Variants in C12orf42 observed in about 807,000 individuals in gnomAD.
C12orf42 encodes uncharacterized protein C12orf42.
A neutral mutation model predicts 21.6 loss-of-function variants in C12orf42; 25 were observed. The ratio of observed to expected loss-of-function variants is 1.16; its 90% CI spans 0.84 to 1.62. The LOEUF (loss-of-function observed/expected upper bound fraction) is 1.62, where lower values mean the gene tolerates loss of function less well. C12orf42 is among the 40% of genes most tolerant of loss of function. C12orf42 has a pLI of 0.00. For missense variants in C12orf42, 483 were observed against 459.3 expected, an observed-to-expected ratio of 1.05 and a Z score of -0.47; for synonymous variants, 174 against 175.0, an observed-to-expected ratio of 0.99 and a Z score of 0.05.
At chr12:103,433,993 A>T (rs1950461017) in intron 2 of C12orf42, among the ~76,000 whole-genome samples, 1 of 152,194 alleles carries the variant, frequency 6.6e-6, no homozygotes, top group Admixed American at 6.5e-5. Flanking sequence ...GAGTTTTAAA[A>T]CTAACTTGGT....
chr12:103,440,843 AT>A (rs1951189789), intron 2 of C12orf42, among the ~76,000 whole-genome samples: 2 of 152,126 alleles, frequency 1.3e-5, no homozygotes, highest in Non-Finnish European at 2.9e-5. Flanking sequence ...TTCACCAATC[AT>A]TTCTCAACCT....
chr12:103,369,194 A>T (rs1729196096), intron 3 of C12orf42, among the ~76,000 whole-genome samples, 196 bp from the exon 4 acceptor site: 1 of 152,088 alleles, frequency 6.6e-6, no homozygotes, highest in Non-Finnish European at 1.5e-5. Flanking sequence ...CATTCCTCTT[A>T]TGTATTCATT....
chr12:103,147,620 T>A, the C12orf42 span, among the ~76,000 whole-genome samples: 1 of 104,990 alleles, frequency 9.5e-6, no homozygotes. Flanking sequence ...TTCTTCTCTC[T>A]CTCTTTTTTT....
At chr12:103,461,018 G>A (rs939300648) in intron 2 of C12orf42, among the ~76,000 whole-genome samples, 3 of 152,138 alleles carry the variant, frequency 2.0e-5, no homozygotes, top group African/African-American at 4.8e-5. Context: ...GCATTCAGTT[G>A]ATTCTCTATG....
At chr12:103,475,839 C>T (rs1954006683) in intron 2 of C12orf42, among the ~76,000 whole-genome samples, 1 of 152,280 alleles carries the variant, frequency 6.6e-6, no homozygotes, top group East Asian at 1.9e-4. Context: ...AGCTTATATT[C>T]TTATTTCACT....
chr12:103,157,750 G>A, the C12orf42 span, among the ~76,000 whole-genome samples: 1 of 152,092 alleles, frequency 6.6e-6, no homozygotes, highest in Non-Finnish European at 1.5e-5. Context: ...GCTTGTTTTT[G>A]GCAGGTTTGT....
chr12:103,443,748 C>A (rs542301173), intron 2 of C12orf42, among the ~76,000 whole-genome samples: 1 of 151,896 alleles, frequency 6.6e-6, no homozygotes, highest in Non-Finnish European at 1.5e-5. Context: ...TTGGCACATA[C>A]CATAAAGGGT....
At chr12:103,451,416 G>T (rs571143976) in intron 2 of C12orf42, among the ~76,000 whole-genome samples, 2 of 151,836 alleles carry the variant, frequency 1.3e-5, no homozygotes, top group Non-Finnish European at 2.9e-5. Context: ...GTCTGTCTAC[G>T]TTCCCAAGGC....
At chr12:103,545,516 A>G in the C12orf42 span, among the ~76,000 whole-genome samples, 4 of 152,338 alleles carry the variant, frequency 2.6e-5, no homozygotes, top group Admixed American at 1.3e-4. Flanking sequence ...AATAAGGGGA[A>G]AAAACTATTT....
At chr12:103,102,882 C>T in the C12orf42 span, among the ~76,000 whole-genome samples, 1 of 152,132 alleles carries the variant, frequency 6.6e-6, no homozygotes, top group East Asian at 1.9e-4. Flanking sequence ...TGGCAGACTT[C>T]AGTTCCTTAG....
the C12orf42 span, among the ~76,000 whole-genome samples, chr12:103,229,243 C>T: frequency 0.015 from 2,275 of 152,238 alleles, 47 homozygotes; most frequent in African/African-American, 0.051. Context: ...AGGATATTTC[C>T]GGTCTTCATT....
chr12:103,338,277 G>T (rs370748609), intron 4 of C12orf42, among the ~76,000 whole-genome samples: 80 of 152,272 alleles, frequency 5.3e-4, no homozygotes, highest in South Asian at 3.3e-3. Context: ...TCAAAGCTTT[G>T]CTTACCTCCT....
intron 2 of C12orf42, among the ~76,000 whole-genome samples, chr12:103,442,975 C>T (rs765888330): frequency 6.6e-6 from 1 of 152,054 alleles, no homozygotes; most frequent in Non-Finnish European, 1.5e-5. Flanking sequence ...GTAAACACGG[C>T]AGGTGCTCTA....
chr12:103,193,953 A>G, the C12orf42 span, among the ~76,000 whole-genome samples: 100 of 152,250 alleles, frequency 6.6e-4, no homozygotes, highest in African/African-American at 2.4e-3. Flanking sequence ...CAGAATTCAA[A>G]CCACATTAGA....
intron 4 of C12orf42, among the ~76,000 whole-genome samples, chr12:103,292,851 G>A (rs1372376117): frequency 6.6e-6 from 1 of 151,914 alleles, no homozygotes; most frequent in Non-Finnish European, 1.5e-5. Context: ...ATGAAATGCA[G>A]CTTTTTCTCT....
the C12orf42 span, among the ~76,000 whole-genome samples, chr12:103,068,414 T>G: frequency 6.6e-6 from 1 of 152,140 alleles, no homozygotes; most frequent in Non-Finnish European, 1.5e-5. Context: ...CTTATTATTG[T>G]CTTTACTTGA....
At chr12:103,116,099 C>T in the C12orf42 span, among the ~76,000 whole-genome samples, 5 of 152,204 alleles carry the variant, frequency 3.3e-5, no homozygotes, top group Middle Eastern at 3.4e-3. Flanking sequence ...CAGTGGCTCA[C>T]GCCTGTAATC....
At chr12:103,198,458 G>C in the C12orf42 span, among the ~76,000 whole-genome samples, 1 of 152,204 alleles carries the variant, frequency 6.6e-6, no homozygotes, top group Non-Finnish European at 1.5e-5. Context: ...TACTTGTCCA[G>C]GTCCAACAGT....
chr12:103,482,832 A>C (rs1250010012), intron 1 of C12orf42, among the ~76,000 whole-genome samples: 3 of 151,912 alleles, frequency 2.0e-5, no homozygotes, highest in African/African-American at 7.2e-5. Flanking sequence ...GCCACTGGAT[A>C]ATCTCTTTAG....
Sources: gnomAD v4.1 joint callset for allele counts (sites outside exome capture counted in the v4.1 genomes callset) on GRCh38, gnomAD v4.1.1 for gene constraint, MANE v1.5 for transcripts, NCBI Gene and HGNC (gene_info 2026-07-23, HGNC 2026-07-21) for gene names.